The following BICC1 variants were observed in gnomAD, a reference collection of about 807,000 sequenced individuals.
BICC1 encodes BicC family RNA binding protein 1, also known as protein bicaudal C homolog 1.
In BICC1, 43 loss-of-function variants were observed where a neutral mutation model predicts 111.0. The ratio of observed to expected loss-of-function variants is 0.39; its 90% confidence interval spans 0.30 to 0.50. BICC1 has a LOEUF of 0.50. BICC1 is among the 20% of genes least tolerant of loss of function. The probability of loss-of-function intolerance (pLI) is 0.88; values close to 1 mark genes in which losing one functional copy is unlikely to be tolerated. For missense variants in BICC1, 1,091 were observed against 1,203.2 expected (o/e 0.91, Z 1.38); for synonymous variants, 467 against 434.4 (o/e 1.07, Z -0.93).
chr10:58,646,304 T>C (rs573679425), intron 2 of BICC1, among the ~76,000 whole-genome samples: 2 of 152,334 alleles, frequency 1.3e-5, no homozygotes, highest in East Asian at 3.9e-4. Context: ...AATATAATTT[T>C]CCTTCCACAT....
chr10:58,789,813 TATC>T lies in BICC1; in HGVS notation c.930_932del (p.Ile310del), dbSNP rs752487095. On this transcript the variant is annotated inframe_deletion, in exon 8 of 21. Transcript: ENST00000373886. ...GTCGAAATGGGAGCAACATCAAACA[TATC>T]ATGCAGAGAACAGGTGCTCAGATCC... is the stretch of plus-strand genomic sequence containing the variant. 7 of 1,614,144 alleles carry T rather than the reference TATC, an allele frequency of 4.3e-6. No individual in the cohort carries two copies. The highest frequency in any genetic ancestry group is 2.2e-5 in the East Asian group (1 of 44,866).
chr10:58,740,502 T>A (rs1326385063), intron 3 of BICC1, among the ~76,000 whole-genome samples: 1 of 152,148 alleles, frequency 6.6e-6, no homozygotes, highest in Admixed American at 6.6e-5. Flanking sequence ...GTGTTGGGGC[T>A]TTTGTTTCCA....
chr10:58,609,338 C>T (rs1352115979), intron 1 of BICC1, among the ~76,000 whole-genome samples: 1 of 152,172 alleles, frequency 6.6e-6, no homozygotes, highest in Non-Finnish European at 1.5e-5. Context: ...CTGACTCTTA[C>T]TATTTGGAAA....
chr10:58,746,018 G>A (rs189806588), intron 3 of BICC1, among the ~76,000 whole-genome samples: 76 of 152,138 alleles, frequency 5.0e-4, no homozygotes, highest in African/African-American at 1.8e-3. Flanking sequence ...TGAAGGAAGG[G>A]AGAAGTAGGA....
intron 3 of BICC1, among the ~76,000 whole-genome samples, chr10:58,784,365 C>G (rs905400435): frequency 1.3e-5 from 2 of 152,100 alleles, no homozygotes; most frequent in Admixed American, 6.6e-5. Context: ...CAATATTAGT[C>G]ACTCAATACT....
rs1844138263 is a variant in BICC1, at chr10:58,817,707, T to C, written c.2679T>C (p.Val893=). 1.9e-6 allele frequency: 3 copies of C among 1,609,044 alleles called. No homozygotes were observed. Among genetic ancestry groups the C allele is most frequent in the Admixed American group, 1.7e-5 (1 of 59,286 alleles). Residue 893 remains valine, a synonymous_variant, in exon 19 of 21, where the codon GTT becomes GTC. Coordinates refer to ENST00000373886, the MANE Select transcript of BICC1 (RefSeq NM_001080512.3). ...SKLGLGKYTD[V]FQQQEIDLQT... ...TGGGCCTGGGCAAATACACAGATGT[T>C]TTCCAGCAACAAGAGGTCAGTCATT...
chr10:58,684,651 A>G (rs371000158), intron 2 of BICC1, among the ~76,000 whole-genome samples: 28 of 152,082 alleles, frequency 1.8e-4, no homozygotes, highest in Admixed American at 5.9e-4. Context: ...AGATTTTCTA[A>G]TTTATTTGCA....
chr10:58,808,375 G>T (rs1317819699), intron 17 of BICC1, among the ~76,000 whole-genome samples: 1 of 152,128 alleles, frequency 6.6e-6, no homozygotes, highest in African/African-American at 2.4e-5. Flanking sequence ...TGTACGGTAT[G>T]GCTATTCCTT....
rs546907341 is a variant in BICC1 at position 58,707,754 on chromosome 10, A to G, written c.307+5611A>G. Reference sequence around the variant, plus strand: ...CTCTTATTGCCCAGGCTGGAGTGCAATGGCGCAATCTCGGCTCACCGCAAC... The same window carrying G: ...CTCTTATTGCCCAGGCTGGAGTGCAGTGGCGCAATCTCGGCTCACCGCAAC... On this transcript the variant is annotated intron_variant, in intron 3 of 20. Coordinates refer to ENST00000373886, the MANE Select transcript of BICC1 (RefSeq NM_001080512.3). Among the ~76,000 whole-genome samples, 25 of 151,742 alleles carry G rather than the reference A, an allele frequency of 1.6e-4. 1 individual carries two copies. Among genetic ancestry groups the G allele is most frequent in the Non-Finnish European group, 2.9e-4 (20 of 67,928 alleles).
Position 58,541,084 on chromosome 10 carries a change from C to T in BICC1, c.190+27751C>T, listed in dbSNP as rs143456289. 4.5e-3 allele frequency among the ~76,000 whole-genome samples: 690 copies of T among 152,036 alleles called. 4 individuals carry two copies. Among genetic ancestry groups the T allele is most frequent in the African/African-American group, 0.016 (662 of 41,490 alleles). ...AAATAAAGGGCCATGTGTGAAAAGC[C>T]CACAACTGACATCATACTCAGTGGT... is the stretch of plus-strand genomic sequence containing the variant. On this transcript the variant is annotated intron_variant, in intron 1 of 20. Transcript: ENST00000373886.
intron 4 of BICC1, 64 bp downstream of exon 4, chr10:58,785,144 G>T: frequency 1.1e-6 from 1 of 912,188 alleles, no homozygotes. Context: ...ACTTCATGCC[G>T]TTATGAAAGA....
At chr10:58,780,585 T>C (rs1004640619) in intron 3 of BICC1, among the ~76,000 whole-genome samples, 9 of 152,184 alleles carry the variant, frequency 5.9e-5, no homozygotes, top group Admixed American at 3.9e-4. Context: ...ATGAGTATTT[T>C]CTGCAGATTT....
intron 2 of BICC1, among the ~76,000 whole-genome samples, chr10:58,633,815 C>A (rs966931103): frequency 2.0e-5 from 3 of 151,966 alleles, no homozygotes; most frequent in African/African-American, 7.2e-5. Flanking sequence ...TAAAAGATTC[C>A]CTGAAATCAT....
intron 3 of BICC1, among the ~76,000 whole-genome samples, chr10:58,733,971 A>G (rs1841395107): frequency 6.6e-6 from 1 of 152,262 alleles, no homozygotes; most frequent in South Asian, 2.1e-4. Flanking sequence ...GTTAAATGGA[A>G]AGACAAGTAG....
chr10:58,556,530 A>C (rs1843453377), intron 1 of BICC1, among the ~76,000 whole-genome samples: 1 of 152,102 alleles, frequency 6.6e-6, no homozygotes, highest in East Asian at 1.9e-4. Flanking sequence ...TTTTGCCCTT[A>C]AAAGTGAAAA....
chr10:58,570,369 T>G (rs1843909911), intron 1 of BICC1, among the ~76,000 whole-genome samples: 1 of 152,186 alleles, frequency 6.6e-6, no homozygotes, highest in Admixed American at 6.5e-5. Context: ...AGCATGTGCT[T>G]TTCCTGGCTT....
chr10:58,652,765 G>C lies in BICC1; in HGVS notation c.237+31864G>C, dbSNP rs115785576. On this transcript the variant is annotated intron_variant, in intron 2 of 20. Transcript: ENST00000373886. ...GATTGTTTAATATTATTACTGTCTA[G>C]TGGAATGTGGCTTCTTTTTACTTAT... 4.3e-3 allele frequency among the ~76,000 whole-genome samples: 661 copies of C among 152,154 alleles called. 3 individuals are homozygous for C. Among genetic ancestry groups the C allele is most frequent in the African/African-American group, 0.014 (602 of 41,520 alleles).
At chr10:58,559,938 T>TTGATGTGTTGTTGGATTTGGTTTGCTAG (rs1214654009) in intron 1 of BICC1, among the ~76,000 whole-genome samples, 155 of 152,280 alleles carry the variant, frequency 1.0e-3, no homozygotes, top group African/African-American at 3.6e-3. Context: ...GTGTAATTTT[T>TTGATGTGTTGTTGGATTTGGTTTGCTAG]TGATGTGTTG....
chr10:58,761,098 T>C (rs1020026422), intron 3 of BICC1, among the ~76,000 whole-genome samples: 3 of 152,240 alleles, frequency 2.0e-5, no homozygotes, highest in African/African-American at 7.2e-5. Context: ...ACTCAAGTGA[T>C]CTGCCTGCCT....
Sources: gnomAD v4.1 joint callset for allele counts (sites outside exome capture counted in the v4.1 genomes callset) on GRCh38, gnomAD v4.1.1 for gene constraint, MANE v1.5 for transcripts, NCBI Gene and HGNC (gene_info 2026-07-23, HGNC 2026-07-21) for gene names.